ZNF521: variants seen among roughly 807,000 people sequenced by gnomAD.
ZNF521 encodes the protein LYST-interacting protein 3.
In ZNF521, 14 loss-of-function variants were observed where a neutral mutation model predicts 105.5. The observed-to-expected ratio is 0.13, with a 90% CI of 0.09 to 0.21. The LOEUF (loss-of-function observed/expected upper bound fraction) is 0.21. Among genes scored for constraint, ZNF521 ranks in the 10% least tolerant of loss-of-function variants. ZNF521 has a pLI of 1.00. For missense variants in ZNF521, 1,233 were observed against 1,629.7 expected (o/e 0.76, Z 4.19); for synonymous variants, 635 against 606.0 (o/e 1.05, Z -0.70).
At chr18:25,097,740 T>C (rs540456098) in intron 5 of ZNF521, among the ~76,000 whole-genome samples, 16 of 152,346 alleles carry the variant, frequency 1.1e-4, no homozygotes, top group African/African-American at 3.8e-4. Context: ...ACATCCTGTG[T>C]GCCTCAGTCA....
At chr18:25,116,886 TAC>T (rs1362281325) in intron 5 of ZNF521, among the ~76,000 whole-genome samples, 6 of 43,228 alleles carry the variant, frequency 1.4e-4, no homozygotes, top group East Asian at 5.5e-4. Context: ...TATATATATA[TAC>T]GTATATATAT....
At chr18:25,313,213 T>C (rs917392578) in intron 3 of ZNF521, among the ~76,000 whole-genome samples, 1 of 152,196 alleles carries the variant, frequency 6.6e-6, no homozygotes, top group Non-Finnish European at 1.5e-5. Flanking sequence ...TTATCCCATC[T>C]CATACTAATG....
At chr18:25,350,838 C>A in intron 2 of ZNF521, 69 bp downstream of exon 2, 1 of 1,516,290 alleles carries the variant, frequency 6.6e-7, no homozygotes, top group African/African-American at 1.4e-5. Flanking sequence ...AGCCACGCAG[C>A]CCTCGCTCCG....
chr18:25,180,199 T>G (rs79495185), intron 5 of ZNF521, among the ~76,000 whole-genome samples: 3 of 152,186 alleles, frequency 2.0e-5, no homozygotes, highest in Non-Finnish European at 4.4e-5. Context: ...AGCTAATGTA[T>G]CCTTATAAGA....
chr18:25,288,741 C>T (rs1211401937), intron 3 of ZNF521, among the ~76,000 whole-genome samples: 1 of 152,132 alleles, frequency 6.6e-6, no homozygotes, highest in Non-Finnish European at 1.5e-5. Flanking sequence ...CTTCAGAACA[C>T]GTTACCCAGT....
intron 2 of ZNF521, among the ~76,000 whole-genome samples, chr18:25,346,695 A>G (rs916417062): frequency 2.0e-5 from 3 of 152,232 alleles, no homozygotes; most frequent in African/African-American, 4.8e-5. Flanking sequence ...CACAAGTGTG[A>G]TAACTTCAAA....
intron 5 of ZNF521, among the ~76,000 whole-genome samples, chr18:25,104,939 AT>A (rs1296724017): frequency 1.3e-5 from 2 of 152,086 alleles, no homozygotes; most frequent in Non-Finnish European, 2.9e-5. Flanking sequence ...AGGCAAAATA[AT>A]TTTTTTTCTC....
At chr18:25,148,349 G>A (rs1269926579) in intron 5 of ZNF521, among the ~76,000 whole-genome samples, 1 of 152,142 alleles carries the variant, frequency 6.6e-6, no homozygotes, top group Admixed American at 6.6e-5. Flanking sequence ...TATTCTTGTG[G>A]TCTGGAAATG....
intron 7 of ZNF521, among the ~76,000 whole-genome samples, chr18:25,070,363 G>C (rs2033187637): frequency 6.6e-6 from 1 of 152,144 alleles, no homozygotes; most frequent in African/African-American, 2.4e-5. Context: ...TAATCCTGAA[G>C]GATGAGGACA....
chr18:25,303,551 C>A (rs1246761170), intron 3 of ZNF521, among the ~76,000 whole-genome samples: 1 of 152,126 alleles, frequency 6.6e-6, no homozygotes, highest in Non-Finnish European at 1.5e-5. Context: ...CCGTCTCGGC[C>A]TCCCAAAGTG....
At chr18:25,124,962 T>C (rs1379539154) in intron 5 of ZNF521, among the ~76,000 whole-genome samples, 1 of 152,200 alleles carries the variant, frequency 6.6e-6, no homozygotes, top group Non-Finnish European at 1.5e-5. Context: ...TATTATGGCA[T>C]TATGTTAAAA....
At chr18:25,096,243 C>T (rs886717709) in intron 5 of ZNF521, among the ~76,000 whole-genome samples, 13 of 152,146 alleles carry the variant, frequency 8.5e-5, no homozygotes, top group African/African-American at 3.1e-4. Context: ...TGGACTACAA[C>T]CTCACTGACT....
chr18:25,070,246 C>G (rs563282955), intron 7 of ZNF521, among the ~76,000 whole-genome samples: 1 of 152,178 alleles, frequency 6.6e-6, no homozygotes, highest in African/African-American at 2.4e-5. Context: ...TATCATACCT[C>G]CCATAGGAAA....
chr18:25,182,777 A>G (rs1402938152), intron 5 of ZNF521, among the ~76,000 whole-genome samples: 1 of 152,174 alleles, frequency 6.6e-6, no homozygotes, highest in Non-Finnish European at 1.5e-5. Context: ...TAGGATGAAA[A>G]TTAGAGTCTA....
Position 25,084,369 on chromosome 18 carries a change from G to A in ZNF521, c.3906+5096C>T, listed in dbSNP as rs1285877315. Reference sequence around the variant, plus strand: ...TAGGCAGTAATTCATTTTTCCTTCAGCAATATGACCATAACACTCAAGCAC... The same window carrying A: ...TAGGCAGTAATTCATTTTTCCTTCAACAATATGACCATAACACTCAAGCAC... On this transcript the variant is annotated intron_variant, in intron 7 of 7. Coordinates refer to ENST00000361524, the MANE Select transcript of ZNF521 (RefSeq NM_015461.3). Among the ~76,000 whole-genome samples the A allele has an allele frequency of 1.3e-5, 2 of 150,748 alleles. 1 individual carries two copies. The highest frequency in any genetic ancestry group is 3.0e-5 in the Non-Finnish European group (2 of 67,374).
At chr18:25,142,026 T>C (rs1207466083) in intron 5 of ZNF521, among the ~76,000 whole-genome samples, 11 of 152,100 alleles carry the variant, frequency 7.2e-5, no homozygotes, top group African/African-American at 2.7e-4. Flanking sequence ...GCAAACATCA[T>C]CTTGTGTAGC....
intron 7 of ZNF521, among the ~76,000 whole-genome samples, chr18:25,085,666 T>TGTGTG (rs1210221794): frequency 6.6e-6 from 1 of 151,516 alleles, no homozygotes; most frequent in Non-Finnish European, 1.5e-5. Flanking sequence ...TGTGTGTGTG[T>TGTGTG]GTGTGTGTGT....
At chr18:25,170,934 C>T (rs1175337693) in intron 5 of ZNF521, among the ~76,000 whole-genome samples, 1 of 152,070 alleles carries the variant, frequency 6.6e-6, no homozygotes, top group Non-Finnish European at 1.5e-5. Flanking sequence ...TTGGGACAAT[C>T]TGATTCCAGT....
intron 5 of ZNF521, among the ~76,000 whole-genome samples, chr18:25,109,576 T>G (rs933335255): frequency 6.6e-6 from 1 of 152,238 alleles, no homozygotes; most frequent in African/African-American, 2.4e-5. Flanking sequence ...CAACAGTATA[T>G]AAGTGTTCCC....
Sources: allele counts gnomAD v4.1 joint callset (sites outside exome capture counted in the v4.1 genomes callset), GRCh38; gene constraint gnomAD v4.1.1; transcripts MANE v1.5; gene names NCBI Gene and HGNC (gene_info 2026-07-23, HGNC 2026-07-21).